The following ACOXL variants were observed in gnomAD, a reference collection of about 807,000 sequenced individuals.
ACOXL encodes the protein acyl-CoA oxidase like.
In ACOXL, 70 loss-of-function variants were observed where a neutral mutation model predicts 71.9. That is an observed-to-expected ratio of 0.97 (90% confidence interval 0.80 to 1.19). The LOEUF (loss-of-function observed/expected upper bound fraction) is 1.19, where lower values mean the gene tolerates loss of function less well. Among genes scored for constraint, ACOXL ranks in the 50% most tolerant of loss-of-function variants. The probability of loss-of-function intolerance (pLI) is 0.00; values close to 1 mark genes in which losing one functional copy is unlikely to be tolerated. For synonymous variants in ACOXL, 253 were observed against 281.6 expected (o/e 0.90, Z 1.02); for missense variants, 703 against 736.3 (o/e 0.95, Z 0.52).
At chr2:111,066,204 G>C (rs2067064913) in intron 16 of ACOXL, among the ~76,000 whole-genome samples, 2 of 152,188 alleles carry the variant, frequency 1.3e-5, no homozygotes, top group South Asian at 4.1e-4. Context: ...CTTTTGCAAT[G>C]AGAAAGAATG....
At chr2:111,050,043 G>A (rs2066210183) in intron 16 of ACOXL, among the ~76,000 whole-genome samples, 1 of 152,164 alleles carries the variant, frequency 6.6e-6, no homozygotes, top group Non-Finnish European at 1.5e-5. Flanking sequence ...CTTTCACACA[G>A]AAACCTTGCA....
intron 9 of ACOXL, among the ~76,000 whole-genome samples, chr2:110,817,155 G>A (rs780070862): frequency 4.6e-5 from 7 of 152,222 alleles, no homozygotes; most frequent in South Asian, 2.1e-4. Context: ...GTTCTAAGGC[G>A]GTCCAGGAGG....
chr2:110,942,663 A>T (rs1451566420), intron 12 of ACOXL, among the ~76,000 whole-genome samples: 2 of 151,922 alleles, frequency 1.3e-5, no homozygotes, highest in South Asian at 2.1e-4. Context: ...AGGCAGGTGG[A>T]TCACTTGAGG....
chr2:110,868,574 G>A (rs1694894171), intron 10 of ACOXL, among the ~76,000 whole-genome samples: 1 of 152,106 alleles, frequency 6.6e-6, no homozygotes, highest in Non-Finnish European at 1.5e-5. Context: ...ATTTTTCTCA[G>A]CATTGCTCCA....
rs139628589 is a variant in ACOXL, at chr2:110,900,783, T to C, written c.789-8006T>C. On this transcript the variant is annotated intron_variant, in intron 10 of 17. Transcript: ENST00000439055. ...CGTGATGGGTTAGACCCACTTTTGT[T>C]TGTGTAATTGAACCCTCAAACAAAG... Among the ~76,000 whole-genome samples, 305 of 152,336 alleles carry C rather than the reference T, an allele frequency of 2.0e-3. 1 individual carries two copies. Among genetic ancestry groups the C allele is most frequent in the African/African-American group, 7.1e-3 (296 of 41,576 alleles).
chr2:110,745,743 G>A (rs1284694655), intron 1 of ACOXL, among the ~76,000 whole-genome samples: 4 of 152,288 alleles, frequency 2.6e-5, no homozygotes, highest in Admixed American at 6.5e-5. Flanking sequence ...AGGAACCAAT[G>A]TCTGACTAAA....
At chr2:111,095,587 C>T (rs557785074) in intron 17 of ACOXL, among the ~76,000 whole-genome samples, 1 of 152,068 alleles carries the variant, frequency 6.6e-6, no homozygotes, top group Admixed American at 6.6e-5. Context: ...GACAGGGTTT[C>T]GCCATGCTGT....
chr2:111,073,846 G>A lies in ACOXL; in HGVS notation c.1441-19019G>A, dbSNP rs552741129. Among the ~76,000 whole-genome samples the A allele has an allele frequency of 1.5e-3, 224 of 152,076 alleles. 1 individual carries two copies. Among genetic ancestry groups the A allele is most frequent in the African/African-American group, 5.4e-3 (222 of 41,480 alleles). ...TATAAAAAATCTATGGATCAGTTTGGGAAGAATTAACAAATGTACTATGTT... is the reference window on the plus strand; with the variant it reads ...TATAAAAAATCTATGGATCAGTTTGAGAAGAATTAACAAATGTACTATGTT... On this transcript the variant is annotated intron_variant, in intron 16 of 17. Coordinates refer to ENST00000439055, the MANE Select transcript of ACOXL (RefSeq NM_001142807.4).
At chr2:110,910,340 A>C (rs547075924) in intron 11 of ACOXL, among the ~76,000 whole-genome samples, 4 of 152,350 alleles carry the variant, frequency 2.6e-5, no homozygotes, top group African/African-American at 9.6e-5. Flanking sequence ...AGTAACATGA[A>C]ATGACTAAAC....
intron 17 of ACOXL, among the ~76,000 whole-genome samples, chr2:111,112,359 CT>C (rs961002698): frequency 6.6e-6 from 1 of 152,206 alleles, no homozygotes; most frequent in African/African-American, 2.4e-5. Context: ...TGGAGCTCCC[CT>C]TTCTAGTAGT....
chr2:110,945,064 A>G (rs765754862), intron 12 of ACOXL, among the ~76,000 whole-genome samples: 5 of 152,080 alleles, frequency 3.3e-5, no homozygotes, highest in Non-Finnish European at 5.9e-5. Context: ...ATGGTATCTC[A>G]TTGTGATTTT....
At chr2:110,943,673 G>A (rs17546109) in intron 12 of ACOXL, among the ~76,000 whole-genome samples, 17,375 of 152,132 alleles carry the variant, frequency 0.11, 1,208 homozygotes, top group South Asian at 0.21. Flanking sequence ...CCAAAGATGA[G>A]GTACTAAACT....
intron 17 of ACOXL, chr2:111,115,579 G>C (rs1441683994): frequency 6.6e-6 from 1 of 152,156 alleles, no homozygotes; most frequent in Non-Finnish European, 1.5e-5. Flanking sequence ...GAACAGAGGT[G>C]GGTGGGTACC....
intron 10 of ACOXL, among the ~76,000 whole-genome samples, chr2:110,879,557 A>G (rs1573962104): frequency 6.6e-6 from 1 of 152,346 alleles, no homozygotes. Flanking sequence ...ATGGGTTGCA[A>G]GAAGACATGA....
At chr2:110,971,029 A>G (rs2062161394) in intron 12 of ACOXL, among the ~76,000 whole-genome samples, 2 of 152,214 alleles carry the variant, frequency 1.3e-5, no homozygotes, top group South Asian at 2.1e-4. Context: ...GGATGAAAAG[A>G]TAAGCTACAG....
intron 9 of ACOXL, among the ~76,000 whole-genome samples, chr2:110,838,255 C>T (rs1197233289): frequency 9.2e-5 from 14 of 152,036 alleles, no homozygotes; most frequent in Non-Finnish European, 1.5e-4. Context: ...TGAATGTGGA[C>T]GAGTGTATGT....
At chr2:110,844,010 G>C (rs1691491468) in intron 10 of ACOXL, among the ~76,000 whole-genome samples, 1 of 152,236 alleles carries the variant, frequency 6.6e-6, no homozygotes, top group Admixed American at 6.5e-5. Context: ...TGGTAGCCCA[G>C]TGAAGCCGGT....
intron 16 of ACOXL, among the ~76,000 whole-genome samples, chr2:111,062,240 A>G (rs2066853950): frequency 6.6e-6 from 1 of 152,110 alleles, no homozygotes; most frequent in South Asian, 2.1e-4. Context: ...GACAGTCTAT[A>G]TTAACAAAAG....
chr2:111,089,980 T>G (rs2150010712), intron 16 of ACOXL, among the ~76,000 whole-genome samples: 1 of 152,306 alleles, frequency 6.6e-6, no homozygotes, highest in East Asian at 1.9e-4. Context: ...AAGAGGAGAT[T>G]GACGATCTGT....
Sources: allele counts gnomAD v4.1 joint callset (sites outside exome capture counted in the v4.1 genomes callset), GRCh38; gene constraint gnomAD v4.1.1; transcripts MANE v1.5; gene names NCBI Gene and HGNC (gene_info 2026-07-23, HGNC 2026-07-21).